TMEM135: variants seen among roughly 807,000 people sequenced by gnomAD.
The protein encoded by TMEM135 is peroxisomal membrane protein 52.
A neutral mutation model predicts 60.3 loss-of-function variants in TMEM135; 30 were observed. The observed-to-expected ratio is 0.50, with a 90% CI of 0.37 to 0.68. The LOEUF is 0.68. Ranked by LOEUF, TMEM135 falls within the 30% of genes least tolerant of loss-of-function variation. The pLI is 0.00. For synonymous variants in TMEM135, 190 were observed against 186.7 expected (o/e 1.02, Z -0.14); for missense variants, 468 against 548.8 (o/e 0.85, Z 1.47).
chr11:87,222,156 T>A (rs1449373903), intron 5 of TMEM135, among the ~76,000 whole-genome samples: 2 of 103,874 alleles, frequency 1.9e-5, no homozygotes, highest in East Asian at 5.7e-4. Context: ...CAGTCCGGCC[T>A]GGGCGAAAGA....
chr11:87,170,383 T>G (rs1315755281), intron 5 of TMEM135, among the ~76,000 whole-genome samples: 1 of 152,198 alleles, frequency 6.6e-6, no homozygotes, highest in Non-Finnish European at 1.5e-5. Context: ...TTTGGAATTT[T>G]CAGCCTTTTT....
At chr11:87,151,533 C>T (rs1237760123) in intron 4 of TMEM135, among the ~76,000 whole-genome samples, 1 of 152,020 alleles carries the variant, frequency 6.6e-6, no homozygotes, top group Non-Finnish European at 1.5e-5. Context: ...CCTATTGATT[C>T]TTGTTTGCCT....
chr11:87,114,234 A>G (rs1214447718), intron 4 of TMEM135, among the ~76,000 whole-genome samples: 2 of 152,128 alleles, frequency 1.3e-5, no homozygotes, highest in Non-Finnish European at 2.9e-5. Flanking sequence ...AGTGAAACCA[A>G]CTCAAGAATG....
chr11:87,291,450 C>T (rs952771467), intron 6 of TMEM135, among the ~76,000 whole-genome samples: 1 of 150,784 alleles, frequency 6.6e-6, no homozygotes, highest in Middle Eastern at 3.4e-3. Flanking sequence ...AATCATCGTT[C>T]CCCTCCTAAC....
chr11:87,326,315 C>G lies in TMEM135; in HGVS notation c.*4982C>G. 1 of 454,076 alleles carries G rather than the reference C, an allele frequency of 2.2e-6. No individual in the cohort carries two copies. The highest frequency in any genetic ancestry group is 4.4e-6 in the Non-Finnish European group (1 of 226,782). 28.1% of individuals were successfully genotyped at this position (454,076 alleles called of 1,614,324 possible). On this transcript the variant is annotated 3_prime_UTR_variant, in exon 15 of 15. Coordinates refer to ENST00000305494, the MANE Select transcript of TMEM135 (RefSeq NM_022918.4). ...GCTTCCATAAAGTAGACCTGTAGAC[C>G]TATGTTGGCTGAGGTCACCCTGCAT...
At chr11:87,309,707 A>G (rs762609097) in intron 10 of TMEM135, 35 bp downstream of exon 10, 2 of 1,601,014 alleles carry the variant, frequency 1.2e-6, no homozygotes, top group Middle Eastern at 1.7e-4. Flanking sequence ...AAAATGGGAA[A>G]TAAATAACAT....
chr11:87,162,125 A>T (rs1361183813), intron 5 of TMEM135, among the ~76,000 whole-genome samples: 1 of 152,220 alleles, frequency 6.6e-6, no homozygotes, highest in African/African-American at 2.4e-5. Flanking sequence ...AATTTAAATA[A>T]TAAAGAAATA....
chr11:87,309,541 C>A lies in TMEM135; in HGVS notation c.805C>A (p.Gln269Lys). Residue 269 changes from glutamine to lysine, a missense_variant, in exon 10 of 15, where the codon CAG becomes AAG. Gln to Lys is a moderately conservative substitution (Grantham distance 53). Transcript: ENST00000305494. The part of the protein sequence containing the change: ...IRMFSVGYLI[Q>K]CCLRIPSAFR... ...AATGTTTAGCGTGGGGTACTTGATC[C>A]AGTGCTGCCTCCGAATCCCTTCTGC... The A allele has an allele frequency of 6.2e-7, 1 of 1,613,790 alleles. No homozygotes were observed.
At chr11:87,306,900 T>C (rs916322189) in intron 9 of TMEM135, among the ~76,000 whole-genome samples, 2 of 152,058 alleles carry the variant, frequency 1.3e-5, no homozygotes, top group African/African-American at 2.4e-5. Flanking sequence ...TTTTGTGTTT[T>C]AGTAGAGGCA....
chr11:87,116,653 A>G (rs571897080), intron 4 of TMEM135, among the ~76,000 whole-genome samples: 5 of 147,256 alleles, frequency 3.4e-5, no homozygotes, highest in African/African-American at 9.9e-5. Context: ...ACACAGACAC[A>G]CACATACATA....
At chr11:87,103,089 T>C (rs1490466499) in intron 4 of TMEM135, among the ~76,000 whole-genome samples, 2 of 152,202 alleles carry the variant, frequency 1.3e-5, no homozygotes, top group Non-Finnish European at 2.9e-5. Context: ...GTTCATTAGG[T>C]TGATTCCATG....
At chr11:87,083,848 A>AT (rs985619623) in intron 3 of TMEM135, among the ~76,000 whole-genome samples, 1 of 152,114 alleles carries the variant, frequency 6.6e-6, no homozygotes, top group African/African-American at 2.4e-5. Flanking sequence ...ACCTTGAAAG[A>AT]TTTTCTGAGA....
Position 87,281,920 on chromosome 11 carries a change from C to T in TMEM135, c.510-13862C>T, listed in dbSNP as rs1004479356. On this transcript the variant is annotated intron_variant, in intron 6 of 14. Transcript: ENST00000305494. ...TAGCTAACTCTTGTTTGACATGTAG[C>T]GTGAGCAGAAAATAAACTTTTTTTG... 1.1e-4 allele frequency among the ~76,000 whole-genome samples: 17 copies of T among 152,322 alleles called. 1 individual carries two copies. The South Asian group carries it at 2.1e-3, about 19-fold the overall frequency.
At chr11:87,102,550 C>T (rs1049810004) in intron 4 of TMEM135, among the ~76,000 whole-genome samples, 12 of 151,792 alleles carry the variant, frequency 7.9e-5, no homozygotes, top group East Asian at 3.9e-4. Context: ...TATACTTTTC[C>T]GTATGAGCCA....
At chr11:87,142,599 T>A (rs1938293818) in intron 4 of TMEM135, among the ~76,000 whole-genome samples, 1 of 152,148 alleles carries the variant, frequency 6.6e-6, no homozygotes, top group South Asian at 2.1e-4. Flanking sequence ...TTTCTCTATC[T>A]TTGGTTTTCA....
intron 6 of TMEM135, among the ~76,000 whole-genome samples, chr11:87,284,177 G>A (rs113058160): frequency 0.012 from 1,796 of 152,210 alleles, 39 homozygotes; most frequent in African/African-American, 0.04. Context: ...CCATTTCCTT[G>A]GGAACTGCAA....
At position 87,327,585 on chromosome 11, in the gene TMEM135, T is replaced by C. The variant is rs1177533467; in HGVS notation, c.*6252T>C. On this transcript the variant is annotated 3_prime_UTR_variant, in exon 15 of 15. Coordinates refer to ENST00000305494, the MANE Select transcript of TMEM135 (RefSeq NM_022918.4). ...CACAGAGAGAGATATGAGAGGGGAT[T>C]AAGGGAGTTGGCTCATGTGATTGTG... 2.2e-6 allele frequency: 1 copy of C among 452,268 alleles called. No individual in the cohort carries two copies. The highest frequency in any genetic ancestry group is 7.0e-5 in the East Asian group (1 of 14,350). 28.0% of individuals were successfully genotyped at this position (452,268 alleles called of 1,614,324 possible).
chr11:87,327,659 G>A lies in TMEM135; in HGVS notation c.*6326G>A. 1 of 454,010 alleles carries A rather than the reference G, an allele frequency of 2.2e-6. No individual in the cohort carries two copies. Among genetic ancestry groups the A allele is most frequent in the Non-Finnish European group, 4.4e-6 (1 of 226,774 alleles). 28.1% of individuals were successfully genotyped at this position (454,010 alleles called of 1,614,324 possible). A position where few individuals can be genotyped will look rare whatever the true frequency, so the allele number is the denominator to read the frequency against. On this transcript the variant is annotated 3_prime_UTR_variant, in exon 15 of 15. Transcript: ENST00000305494. ...GCCATTCATAACCTGGAGACCTTGG[G>A]ATGCTGGTGGTCTGGCTCAGTACAA...
chr11:87,041,744 G>A (rs1347591777), intron 1 of TMEM135, among the ~76,000 whole-genome samples: 2 of 152,202 alleles, frequency 1.3e-5, no homozygotes, highest in Non-Finnish European at 2.9e-5. Context: ...GTCTAAATGA[G>A]TGAAGGTATG....
Sources: gnomAD v4.1 joint callset for allele counts (sites outside exome capture counted in the v4.1 genomes callset) on GRCh38, gnomAD v4.1.1 for gene constraint, MANE v1.5 for transcripts, NCBI Gene and HGNC (gene_info 2026-07-23, HGNC 2026-07-21) for gene names.